SH3RF3: variants seen among roughly 807,000 people sequenced by gnomAD.
SH3RF3 encodes the protein E3 ubiquitin-protein ligase SH3RF3.
A neutral mutation model predicts 66.3 loss-of-function variants in SH3RF3; 29 were observed. The observed-to-expected ratio is 0.44, with a 90% CI of 0.33 to 0.60. The LOEUF (loss-of-function observed/expected upper bound fraction) is 0.60, where lower values mean the gene tolerates loss of function less well. Ranked by LOEUF, SH3RF3 falls within the 20% of genes least tolerant of loss-of-function variation. The pLI is 0.04. For missense variants in SH3RF3, 1,194 were observed against 1,190.9 expected (o/e 1.00, Z -0.04); for synonymous variants, 583 against 532.0 (o/e 1.10, Z -1.32).
chr2:109,442,334 T>C lies in SH3RF3; in HGVS notation c.1828+5188T>C, dbSNP rs553535790. Among the ~76,000 whole-genome samples, 17 of 137,456 alleles carry C rather than the reference T, an allele frequency of 1.2e-4. No homozygotes were observed. The East Asian group carries it at 3.2e-3, about 26-fold the overall frequency. 90.2% of individuals were successfully genotyped at this position (137,456 alleles called of 152,430 possible). A position where few individuals can be genotyped will look rare whatever the true frequency, so the allele number is the denominator to read the frequency against. ...TCAAAAAAAAAAAAAAAAGAAAAAATCCACACTATTAGAAAGGTAAAAATG... is the reference window on the plus strand; with the variant it reads ...TCAAAAAAAAAAAAAAAAGAAAAAACCCACACTATTAGAAAGGTAAAAATG... On this transcript the variant is annotated intron_variant, in intron 7 of 9. Coordinates refer to ENST00000309415, the MANE Select transcript of SH3RF3 (RefSeq NM_001099289.3).
chr2:109,129,835 A>C lies in SH3RF3; in HGVS notation c.295A>C (p.Ile99Leu). ...CGAGCTGCGCTGCCCCGAGTGCCGC[A>C]TCCTGGTGGGCTGCGGCGTGGACGA... ...RHELRCPECR[I>L]LVGCGVDELP... The change falls in exon 1 of 10, where the codon ATC (isoleucine) becomes CTC (leucine). Residue 99 changes from isoleucine (I) to leucine (L), a missense_variant. Coordinates refer to ENST00000309415, the MANE Select transcript of SH3RF3 (RefSeq NM_001099289.3). 6.5e-7 allele frequency: 1 copy of C among 1,536,002 alleles called. No homozygotes were observed. Among genetic ancestry groups the C allele is most frequent in the Non-Finnish European group, 8.7e-7 (1 of 1,145,002 alleles).
intron 3 of SH3RF3, among the ~76,000 whole-genome samples, chr2:109,375,650 A>G (rs907675873): frequency 6.6e-6 from 1 of 152,204 alleles, no homozygotes; most frequent in Admixed American, 6.5e-5. Context: ...GGCAGAGTGA[A>G]CTCACAGGAG....
At chr2:109,359,570 T>C (rs1368519609) in intron 2 of SH3RF3, among the ~76,000 whole-genome samples, 2 of 152,224 alleles carry the variant, frequency 1.3e-5, no homozygotes, top group Non-Finnish European at 2.9e-5. Flanking sequence ...GTAAATTGTA[T>C]CATGTTTTAA....
rs748467674 is a variant in SH3RF3 at position 109,501,704 on chromosome 2, G to A, written c.*33G>A. ...TGCTCCCTGCACCCAGCTCACAGAG[G>A]GGGAGGCCGCCTGGGAAGCTCCACG... On this transcript the variant is annotated 3_prime_UTR_variant, in exon 10 of 10. Coordinates refer to ENST00000309415, the MANE Select transcript of SH3RF3 (RefSeq NM_001099289.3). 21 of 728,480 alleles carry A rather than the reference G, an allele frequency of 2.9e-5. No individual in the cohort carries two copies. The highest frequency in any genetic ancestry group is 4.6e-5 in the Non-Finnish European group (18 of 391,786). The allele number at this position is 728,480 out of a possible 1,614,324, so 45.1% of individuals were successfully genotyped here. A position where few individuals can be genotyped will look rare whatever the true frequency, so the allele number is the denominator to read the frequency against.
Position 109,377,917 on chromosome 2 carries a change from A to G in SH3RF3, c.945+6236A>G, listed in dbSNP as rs1193104194. ...TTGGTGGTGACTTAAAGGCACAACG[A>G]CAGCTCTCATTGGGAGCGGATAGCT... is the stretch of plus-strand genomic sequence containing the variant. On this transcript the variant is annotated intron_variant, in intron 3 of 9. Coordinates refer to ENST00000309415, the MANE Select transcript of SH3RF3 (RefSeq NM_001099289.3). 2.0e-5 allele frequency among the ~76,000 whole-genome samples: 3 copies of G among 152,238 alleles called. No individual in the cohort carries two copies. In the East Asian group the frequency reaches 5.8e-4, roughly 29 times the overall value.
intron 1 of SH3RF3, among the ~76,000 whole-genome samples, chr2:109,213,482 C>T (rs1344761303): frequency 6.6e-6 from 1 of 152,094 alleles, no homozygotes; most frequent in Non-Finnish European, 1.5e-5. Context: ...AGGACGTGGC[C>T]CCAGGATCTG....
chr2:109,304,883 G>C (rs915298804), intron 1 of SH3RF3, among the ~76,000 whole-genome samples: 1 of 152,146 alleles, frequency 6.6e-6, no homozygotes, highest in South Asian at 2.1e-4. Flanking sequence ...GAAGACATGG[G>C]GTGACGCTGC....
chr2:109,467,859 C>T (rs1433947641), intron 8 of SH3RF3, among the ~76,000 whole-genome samples: 1 of 152,152 alleles, frequency 6.6e-6, no homozygotes, highest in African/African-American at 2.4e-5. Flanking sequence ...CACCCTCCGC[C>T]GTCATTCACA....
intron 1 of SH3RF3, among the ~76,000 whole-genome samples, chr2:109,259,270 G>A (rs923998491): frequency 6.6e-6 from 1 of 152,226 alleles, no homozygotes; most frequent in African/African-American, 2.4e-5. Flanking sequence ...TGCAGCTGCT[G>A]CTGGCTCCTG....
At chr2:109,208,189 T>C (rs1045316554) in intron 1 of SH3RF3, among the ~76,000 whole-genome samples, 2 of 152,262 alleles carry the variant, frequency 1.3e-5, no homozygotes, top group Non-Finnish European at 2.9e-5. Flanking sequence ...GGCACCTACC[T>C]GGCTCTGCTG....
intron 8 of SH3RF3, among the ~76,000 whole-genome samples, chr2:109,480,810 T>C (rs1678815945): frequency 6.6e-6 from 1 of 152,180 alleles, no homozygotes; most frequent in Non-Finnish European, 1.5e-5. Context: ...CCTCCGGCTC[T>C]CTCTAGCTGG....
At chr2:109,201,046 G>A (rs1429532233) in intron 1 of SH3RF3, among the ~76,000 whole-genome samples, 1 of 152,184 alleles carries the variant, frequency 6.6e-6, no homozygotes, top group East Asian at 1.9e-4. Context: ...GACCCTGTGA[G>A]CTGGAGCTCC....
intron 1 of SH3RF3, among the ~76,000 whole-genome samples, chr2:109,149,068 T>A (rs917546413): frequency 2.0e-5 from 3 of 152,202 alleles, no homozygotes; most frequent in Non-Finnish European, 4.4e-5. Context: ...CTTCAGAGGC[T>A]TCAATTGAGT....
At chr2:109,240,016 T>C (rs1679741470) in intron 1 of SH3RF3, among the ~76,000 whole-genome samples, 1 of 152,136 alleles carries the variant, frequency 6.6e-6, no homozygotes, top group Non-Finnish European at 1.5e-5. Flanking sequence ...GATAGATGAG[T>C]CACTTGTCTG....
intron 1 of SH3RF3, among the ~76,000 whole-genome samples, chr2:109,259,062 C>T (rs1349501828): frequency 6.6e-6 from 1 of 152,220 alleles, no homozygotes; most frequent in African/African-American, 2.4e-5. Flanking sequence ...TGCCAGGGCC[C>T]TAGTTTCCAT....
intron 1 of SH3RF3, among the ~76,000 whole-genome samples, chr2:109,332,264 C>T (rs4676274): frequency 0.34 from 52,082 of 152,022 alleles, 11,323 homozygotes; most frequent in Non-Finnish European, 0.48. Context: ...CCTGCTGATC[C>T]GTCTGTTTCC....
At chr2:109,153,206 T>C (rs1331280197) in intron 1 of SH3RF3, among the ~76,000 whole-genome samples, 1 of 152,226 alleles carries the variant, frequency 6.6e-6, no homozygotes, top group Non-Finnish European at 1.5e-5. Flanking sequence ...AACCCTGCTA[T>C]GGGTGAGGCT....
chr2:109,425,807 G>A (rs906386871), intron 5 of SH3RF3, among the ~76,000 whole-genome samples: 1 of 152,234 alleles, frequency 6.6e-6, no homozygotes, highest in Non-Finnish European at 1.5e-5. Context: ...CATGCCTGCT[G>A]ACACAGCATC....
intron 8 of SH3RF3, among the ~76,000 whole-genome samples, chr2:109,471,858 G>A (rs1327097379): frequency 6.6e-6 from 1 of 152,204 alleles, no homozygotes; most frequent in Non-Finnish European, 1.5e-5. Context: ...TCTATTTGCT[G>A]AGACTATGCA....
Sources: gnomAD v4.1 joint callset for allele counts (sites outside exome capture counted in the v4.1 genomes callset) on GRCh38, gnomAD v4.1.1 for gene constraint, MANE v1.5 for transcripts, NCBI Gene and HGNC (gene_info 2026-07-23, HGNC 2026-07-21) for gene names.